The following GAD2 variants were observed in gnomAD, a reference collection of about 807,000 sequenced individuals.
The protein encoded by GAD2 is 65 kDa glutamic acid decarboxylase.
A neutral mutation model predicts 80.1 loss-of-function variants in GAD2; 22 were observed. The ratio of observed to expected loss-of-function variants is 0.27; its 90% CI spans 0.20 to 0.39. GAD2 has a LOEUF of 0.39. Ranked by LOEUF, GAD2 falls within the 10% of genes least tolerant of loss-of-function variation. GAD2 has a pLI of 1.00. For synonymous variants in GAD2, 274 were observed against 256.9 expected, an observed-to-expected ratio of 1.07 and a Z score of -0.64; for missense variants, 624 against 738.4, an observed-to-expected ratio of 0.85 and a Z score of 1.80.
chr10:26,258,399 C>T (rs1357603301), intron 8 of GAD2, among the ~76,000 whole-genome samples: 2 of 152,130 alleles, frequency 1.3e-5, no homozygotes, highest in Non-Finnish European at 2.9e-5. Flanking sequence ...ATAAAATTTC[C>T]GATCTGAGCC....
At chr10:26,224,498 C>T in intron 5 of GAD2, 41 bp from the exon 6 acceptor site, 1 of 1,128,468 alleles carries the variant, frequency 8.9e-7, no homozygotes, top group Non-Finnish European at 1.4e-6. Context: ...AATTATTTAT[C>T]TGAGTTACAG....
chr10:26,232,511 G>T (rs1844617135), intron 7 of GAD2, among the ~76,000 whole-genome samples: 1 of 124,146 alleles, frequency 8.1e-6, no homozygotes, highest in Admixed American at 1.0e-4. Flanking sequence ...GTCTAGCCCT[G>T]TCGCCCAGGC....
chr10:26,249,086 G>A (rs928385798), intron 8 of GAD2, among the ~76,000 whole-genome samples: 7 of 152,154 alleles, frequency 4.6e-5, no homozygotes, highest in African/African-American at 1.7e-4. Flanking sequence ...GGGAGGGGAT[G>A]GAGTCTCGCT....
chr10:26,238,427 G>A (rs1844701779), intron 7 of GAD2, among the ~76,000 whole-genome samples: 1 of 152,190 alleles, frequency 6.6e-6, no homozygotes. Context: ...TCCACAGAGT[G>A]CTCAAAATGA....
At chr10:26,219,881 T>C (rs963170242) in intron 4 of GAD2, among the ~76,000 whole-genome samples, 5 of 152,076 alleles carry the variant, frequency 3.3e-5, no homozygotes, top group African/African-American at 1.2e-4. Flanking sequence ...CCATGTTATA[T>C]AAGGATGTGT....
At chr10:26,297,833 T>C (rs905749866) in intron 15 of GAD2, among the ~76,000 whole-genome samples, 4 of 152,190 alleles carry the variant, frequency 2.6e-5, no homozygotes, top group Admixed American at 1.3e-4. Context: ...AGTAGAGTCA[T>C]ACATATTCAG....
At chr10:26,243,130 G>A (rs988711997) in intron 7 of GAD2, among the ~76,000 whole-genome samples, 1 of 152,120 alleles carries the variant, frequency 6.6e-6, no homozygotes, top group Admixed American at 6.5e-5. Flanking sequence ...TAGGTATCAC[G>A]GTAATGACTG....
At position 26,292,919 on chromosome 10, in the gene GAD2, C is replaced by A. The variant is rs780819939; in HGVS notation, c.1512C>A (p.Val504=). The change falls in exon 15 of 16, where the codon GTC becomes GTA. Residue 504 remains valine (V), a synonymous_variant. Coordinates refer to ENST00000376261, the MANE Select transcript of GAD2 (RefSeq NM_001134366.2). ...CTTTGTAGCCTCAGCACACAAATGT[C>A]TGCTTCTGGTACATTCCTCCAAGCT... ...VFDGKPQHTN[V]CFWYIPPSLR... 6.2e-7 allele frequency: 1 copy of A among 1,613,706 alleles called. No homozygotes were observed. Among genetic ancestry groups the A allele is most frequent in the African/African-American group, 1.3e-5 (1 of 74,910 alleles).
At chr10:26,252,972 T>G (rs1844898026) in intron 8 of GAD2, among the ~76,000 whole-genome samples, 1 of 152,098 alleles carries the variant, frequency 6.6e-6, no homozygotes, top group African/African-American at 2.4e-5. Flanking sequence ...CCTTCTTAAT[T>G]AGCAGTCACA....
At chr10:26,295,507 T>TGC (rs1834264156) in intron 15 of GAD2, among the ~76,000 whole-genome samples, 1 of 59,542 alleles carries the variant, frequency 1.7e-5, no homozygotes, top group Non-Finnish European at 3.0e-5. Flanking sequence ...TTCATACGCA[T>TGC]GCACACACAC....
At chr10:26,247,970 G>A (rs61839368) in intron 8 of GAD2, among the ~76,000 whole-genome samples, 3,183 of 149,718 alleles carry the variant, frequency 0.021, 41 homozygotes, top group Middle Eastern at 0.06. Flanking sequence ...CTCTGTTAGC[G>A]AACCAAACTG....
In GAD2 at chr10:26,221,234, C is replaced by T. The variant is rs1844448044; in HGVS notation, c.520+1958C>T. Among the ~76,000 whole-genome samples the T allele has an allele frequency of 2.0e-5, 3 of 152,292 alleles. No individual in the cohort carries two copies. In the East Asian group the frequency reaches 5.8e-4, roughly 29 times the overall value. The stretch of plus-strand genomic sequence containing the variant: ...CTTGCTACTACCAGACATTTTAATA[C>T]TCCTCAAGAGATTATTTTATAAAAT... On this transcript the variant is annotated intron_variant, in intron 4 of 15. Transcript: ENST00000376261.
chr10:26,299,917 A>G (rs1834311155), intron 15 of GAD2, among the ~76,000 whole-genome samples: 1 of 152,200 alleles, frequency 6.6e-6, no homozygotes, highest in Non-Finnish European at 1.5e-5. Context: ...ACAGAGAACA[A>G]GTATGACATA....
At chr10:26,268,285 G>C (rs191732258) in intron 8 of GAD2, among the ~76,000 whole-genome samples, 1 of 152,202 alleles carries the variant, frequency 6.6e-6, no homozygotes, top group East Asian at 1.9e-4. Context: ...TCGCTAACAC[G>C]GTGAAACCCC....
chr10:26,278,307 C>T (rs1378165315), intron 11 of GAD2, among the ~76,000 whole-genome samples: 5 of 152,230 alleles, frequency 3.3e-5, no homozygotes, highest in East Asian at 1.9e-4. Flanking sequence ...GCCATGTGTA[C>T]GTGCATGCAC....
chr10:26,280,609 G>T (rs1032088784), intron 11 of GAD2, among the ~76,000 whole-genome samples: 1 of 152,090 alleles, frequency 6.6e-6, no homozygotes, highest in Non-Finnish European at 1.5e-5. Flanking sequence ...CCCGTAAGCC[G>T]TTCCCAGCTT....
At chr10:26,269,830 A>C (rs1325332544) in intron 9 of GAD2, among the ~76,000 whole-genome samples, 1 of 152,236 alleles carries the variant, frequency 6.6e-6, no homozygotes, top group East Asian at 1.9e-4. Context: ...TTACGTTCAT[A>C]TGCCCTTTTT....
chr10:26,247,995 G>A (rs1844831008), intron 8 of GAD2, among the ~76,000 whole-genome samples: 1 of 151,276 alleles, frequency 6.6e-6, no homozygotes, highest in Non-Finnish European at 1.5e-5. Context: ...TCACTCGCCA[G>A]CAGCAGTGAG....
chr10:26,251,178 G>A (rs575537803), intron 8 of GAD2, among the ~76,000 whole-genome samples: 44 of 151,574 alleles, frequency 2.9e-4, no homozygotes, highest in East Asian at 1.4e-3. Context: ...GATTATAGGC[G>A]TGCACCACCA....
Sources: allele counts gnomAD v4.1 joint callset (sites outside exome capture counted in the v4.1 genomes callset), GRCh38; gene constraint gnomAD v4.1.1; transcripts MANE v1.5; gene names NCBI Gene and HGNC (gene_info 2026-07-23, HGNC 2026-07-21).